Variants in CNOT9 observed in about 807,000 individuals in gnomAD.
The protein encoded by CNOT9 is RCD1 required for cell differentiation1 homolog.
A neutral mutation model predicts 37.4 loss-of-function variants in CNOT9; 8 were observed. That is an observed-to-expected ratio of 0.21 (90% CI 0.13 to 0.39). The LOEUF is 0.39. Among genes scored for constraint, CNOT9 ranks in the 10% least tolerant of loss-of-function variants. The pLI is 1.00. For missense variants in CNOT9, 154 were observed against 365.3 expected, an observed-to-expected ratio of 0.42 and a Z score of 4.71; for synonymous variants, 120 against 137.6, an observed-to-expected ratio of 0.87 and a Z score of 0.90.
chr2:218,571,622 T>C (rs1574982511), intron 1 of CNOT9, among the ~76,000 whole-genome samples: 1 of 150,472 alleles, frequency 6.6e-6, no homozygotes. Flanking sequence ...CCCAGGCTGG[T>C]GTGCAATAGC....
At chr2:218,574,217 A>G (rs556975269) in intron 1 of CNOT9, 10 of 249,286 alleles carry the variant, frequency 4.0e-5, no homozygotes, top group South Asian at 3.5e-4. Context: ...CAGCCTCCCA[A>G]AGTGCTGGGA....
intron 1 of CNOT9, chr2:218,572,651 A>G: frequency 1.0e-6 from 1 of 984,798 alleles, no homozygotes; most frequent in Non-Finnish European, 1.2e-6. Flanking sequence ...GAAAACTACA[A>G]ATCTTTGCAT....
chr2:218,585,351 A>G (rs1160171507), intron 4 of CNOT9, among the ~76,000 whole-genome samples: 2 of 152,122 alleles, frequency 1.3e-5, no homozygotes, highest in Non-Finnish European at 2.9e-5. Flanking sequence ...AGGAATATGA[A>G]TCTGTCAGTT....
intron 1 of CNOT9, 43 bp from the exon 2 acceptor site, chr2:218,580,518 G>A (rs1694339554): frequency 6.6e-7 from 1 of 1,522,316 alleles, no homozygotes; most frequent in Non-Finnish European, 8.9e-7. Context: ...GACTTGGTTT[G>A]ACTCTAATAA....
At chr2:218,570,611 G>A (rs531983939) in intron 1 of CNOT9, among the ~76,000 whole-genome samples, 4 of 152,316 alleles carry the variant, frequency 2.6e-5, no homozygotes, top group South Asian at 2.1e-4. Flanking sequence ...GGGAAAGACA[G>A]GTTAAATAAG....
chr2:218,572,429 A>G (rs1234906353), intron 1 of CNOT9, among the ~76,000 whole-genome samples: 4 of 151,186 alleles, frequency 2.6e-5, no homozygotes, highest in Admixed American at 2.6e-4. Flanking sequence ...TAATTCCCAA[A>G]TTAAAGGCTC....
At chr2:218,576,498 T>C (rs1336347001) in intron 1 of CNOT9, among the ~76,000 whole-genome samples, 1 of 152,202 alleles carries the variant, frequency 6.6e-6, no homozygotes, top group East Asian at 1.9e-4. Context: ...ACAATACCTA[T>C]TAAGTGCTTT....
intron 2 of CNOT9, among the ~76,000 whole-genome samples, chr2:218,582,386 T>A (rs1352489082): frequency 6.6e-6 from 1 of 152,088 alleles, no homozygotes; most frequent in Non-Finnish European, 1.5e-5. Context: ...ATGACTACAT[T>A]TGCCTCCACA....
chr2:218,568,902 G>T lies in CNOT9; in HGVS notation c.-53G>T. ...TTCCGCTGCAGGGGTGCTGAAGGGG[G>T]GACGCGGGTCGGACGCGTCCGGCTG... On this transcript the variant is annotated 5_prime_UTR_variant, in exon 1 of 8. Transcript: ENST00000273064. 1 of 1,587,926 alleles carries T rather than the reference G, an allele frequency of 6.3e-7. No individual in the cohort carries two copies. The highest frequency in any genetic ancestry group is 8.6e-7 in the Non-Finnish European group (1 of 1,166,048).
At chr2:218,590,804 T>C (rs199869033) in intron 5 of CNOT9, among the ~76,000 whole-genome samples, 3 of 138,218 alleles carry the variant, frequency 2.2e-5, no homozygotes, top group Non-Finnish European at 4.5e-5. Context: ...TCTCTTGTTG[T>C]TGTTGTTGTT....
rs200077562 is a variant in CNOT9 at position 218,585,084 on chromosome 2, CTTCTT to C, written c.430+380_430+384del. Among the ~76,000 whole-genome samples the C allele has an allele frequency of 8.4e-4, 128 of 151,922 alleles. 1 individual carries two copies. Among genetic ancestry groups the C allele is most frequent in the African/African-American group, 1.6e-3 (68 of 41,440 alleles). On this transcript the variant is annotated intron_variant, in intron 4 of 7. Transcript: ENST00000273064. ...CCTCTTCCCTTCTCTCTTCTCTTCT[CTTCTT>C]TTCTTTTCTTTTCTTTCTGATAGGG...
At chr2:218,583,254 TC>T (rs1694476662) in intron 3 of CNOT9, among the ~76,000 whole-genome samples, 168 bp downstream of exon 3, 110 of 50,516 alleles carry the variant, frequency 2.2e-3, no homozygotes, top group African/African-American at 9.5e-3. Flanking sequence ...TCTCTCTCTC[TC>T]TCTCTCTCTC....
In CNOT9 at chr2:218,592,690, A is replaced by C. The variant is rs145677437; in HGVS notation, c.714A>C (p.Arg238=). 17 of 1,613,776 alleles carry C rather than the reference A, an allele frequency of 1.1e-5. No individual in the cohort carries two copies. Among genetic ancestry groups the C allele is most frequent in the Admixed American group, 1.7e-5 (1 of 59,992 alleles). ...LLKHVVRCYL[R]LSDNPRAREA... is the part of the protein sequence containing the mutation. Reference sequence around the variant, plus strand: ...AGCATGTAGTGAGATGTTACCTTCGACTTTCAGATAACCCCAGGTAAACAT... The same window carrying C: ...AGCATGTAGTGAGATGTTACCTTCGCCTTTCAGATAACCCCAGGTAAACAT... Residue 238 remains arginine, a synonymous_variant, in exon 7 of 8, where the codon CGA becomes CGC. Coordinates refer to ENST00000273064, the MANE Select transcript of CNOT9 (RefSeq NM_005444.3). The surrounding 1 kb of genome is among the most constrained non-coding windows in gnomAD (Gnocchi z 4.1).
At chr2:218,572,663 C>A (rs1044723111) in intron 1 of CNOT9, 1 of 984,782 alleles carries the variant, frequency 1.0e-6, no homozygotes, top group African/African-American at 1.7e-5. Context: ...TCTTTGCATG[C>A]CATAGGTATT....
intron 3 of CNOT9, 137 bp downstream of exon 3, chr2:218,583,223 GTGTGTGTGTGTCTCTCTCTCTCTC>G (rs1194178218): frequency 2.6e-4 from 96 of 365,140 alleles, no homozygotes; most frequent in East Asian, 2.5e-3. Flanking sequence ...GTGTGTGTGT[GTGTGTGTGTGTCTCTCTCTCTCTC>G]TCTCTCTCTC....
chr2:218,568,964 C>T lies in CNOT9; in HGVS notation c.10C>T (p.Leu4=). The change falls in exon 1 of 8, where the codon CTG becomes TTG. Residue 4 remains leucine (L), a synonymous_variant. Transcript: ENST00000273064. MHS[L]ATAAPVPTTL... Reference sequence around the variant, plus strand: ...GGCGGCCGCTCACAACATGCACAGCCTGGCGACGGCTGCGGTGAGTGGCTG... The same window carrying T: ...GGCGGCCGCTCACAACATGCACAGCTTGGCGACGGCTGCGGTGAGTGGCTG... 1 of 1,610,956 alleles carries T rather than the reference C, an allele frequency of 6.2e-7. No homozygotes were observed. The highest frequency in any genetic ancestry group is 8.5e-7 in the Non-Finnish European group (1 of 1,178,690).
intron 4 of CNOT9, 38 bp from the exon 5 acceptor site, chr2:218,587,548 A>C: frequency 6.5e-7 from 1 of 1,532,220 alleles, no homozygotes; most frequent in Non-Finnish European, 8.8e-7. Flanking sequence ...TGGAAACCCT[A>C]ACTGTAAAAT....
chr2:218,572,122 A>G (rs1694018570), intron 1 of CNOT9, among the ~76,000 whole-genome samples: 1 of 151,536 alleles, frequency 6.6e-6, no homozygotes, highest in African/African-American at 2.4e-5. Flanking sequence ...AGAGTTCCAG[A>G]CCAGCCTGGC....
At position 218,594,458 on chromosome 2, in the gene CNOT9, G is replaced by C. The variant is rs899495314; in HGVS notation, c.*182G>C. ...GGGCTGCCATCTCAGGCTGTCTTGAGGACCTGGGCTCCCTCTGCTACTCCC... is the reference window on the plus strand; with the variant it reads ...GGGCTGCCATCTCAGGCTGTCTTGACGACCTGGGCTCCCTCTGCTACTCCC... On this transcript the variant is annotated 3_prime_UTR_variant, in exon 8 of 8. Coordinates refer to ENST00000273064, the MANE Select transcript of CNOT9 (RefSeq NM_005444.3). The C allele has an allele frequency of 4.6e-6, 3 of 659,244 alleles. No homozygotes were observed. The highest frequency in any genetic ancestry group is 6.2e-5 in the Admixed American group (2 of 32,036). 40.8% of individuals were successfully genotyped at this position (659,244 alleles called of 1,614,324 possible).
Sources: allele counts gnomAD v4.1 joint callset (sites outside exome capture counted in the v4.1 genomes callset), GRCh38; gene constraint gnomAD v4.1.1; non-coding constraint Gnocchi (gnomAD v3.1); transcripts MANE v1.5; gene names NCBI Gene and HGNC (gene_info 2026-07-23, HGNC 2026-07-21).